The following C12orf71 variants were observed in gnomAD, a reference collection of about 807,000 sequenced individuals.
The protein encoded by C12orf71 is uncharacterized protein C12orf71.
A neutral mutation model predicts 11.7 loss-of-function variants in C12orf71; 10 were observed. That is an observed-to-expected ratio of 0.86 (90% CI 0.53 to 1.45). The LOEUF (loss-of-function observed/expected upper bound fraction) is 1.45, where lower values mean the gene tolerates loss of function less well. Ranked by LOEUF, C12orf71 falls within the 40% of genes most tolerant of loss-of-function variation. The pLI is 0.00. For synonymous variants in C12orf71, 110 were observed against 123.4 expected (o/e 0.89, Z 0.72); for missense variants, 293 against 325.8 (o/e 0.90, Z 0.78).
In C12orf71 at chr12:27,082,036, C is replaced by A; in HGVS notation, c.448G>T (p.Ala150Ser). ...IFLENLKDDD[A>S]VFPETAQQDF... ...TGCTGAGCAGTTTCAGGAAATACAG[C>A]GTCATCATCTTTCAGATTTTCTAGA... is the stretch of plus-strand genomic sequence containing the variant. Residue 150 changes from alanine to serine, a missense_variant, in exon 1 of 2, where the codon GCT becomes TCT. Physicochemically the swap from Ala to Ser is moderately conservative, Grantham distance 99. Coordinates refer to ENST00000429849, the MANE Select transcript of C12orf71 (RefSeq NM_001080406.2). 6.3e-7 allele frequency: 1 copy of A among 1,596,162 alleles called. No individual in the cohort carries two copies. Among genetic ancestry groups the A allele is most frequent in the Non-Finnish European group, 8.5e-7 (1 of 1,170,170 alleles).
Position 27,082,188 on chromosome 12 carries a change from T to C in C12orf71, c.296A>G (p.Asp99Gly). 11 of 1,614,038 alleles carry C rather than the reference T, an allele frequency of 6.8e-6. No individual in the cohort carries two copies. Among genetic ancestry groups the C allele is most frequent in the Non-Finnish European group, 9.3e-6 (11 of 1,179,894 alleles). ...CCTATTAGCTCTTGAGTCTGTGTTATCGGAGCCAATGTCCACGTCCCAGGC... is the reference window on the plus strand; with the variant it reads ...CCTATTAGCTCTTGAGTCTGTGTTACCGGAGCCAATGTCCACGTCCCAGGC... Reference protein sequence around the residue: ...FLAWDVDIGSDNTDSRANRLL... With the variant: ...FLAWDVDIGSGNTDSRANRLL... Residue 99 changes from aspartate (D) to glycine (G), a missense_variant, in exon 1 of 2, where the codon GAT (aspartate) becomes GGT (glycine). Physicochemically the swap from Asp to Gly is moderately conservative, Grantham distance 94 (BLOSUM62 -1). Coordinates refer to ENST00000429849, the MANE Select transcript of C12orf71 (RefSeq NM_001080406.2).
chr12:27,081,586 A>C, intron 1 of C12orf71, 119 bp from the exon 2 acceptor site: 1 of 954,620 alleles, frequency 1.0e-6, no homozygotes, highest in Middle Eastern at 2.7e-4. Context: ...GTCAATGCAG[A>C]GTTTCAATGC....
intron 1 of C12orf71, 97 bp from the exon 2 acceptor site, chr12:27,081,564 A>T (rs1941932849): frequency 8.0e-7 from 1 of 1,252,438 alleles, no homozygotes; most frequent in Non-Finnish European, 1.1e-6. Flanking sequence ...TTTTACCAAA[A>T]ATAGCCCAAG....
At chr12:27,081,824 G>T in intron 1 of C12orf71, 144 bp downstream of exon 1, 1 of 894,406 alleles carries the variant, frequency 1.1e-6, no homozygotes, top group Non-Finnish European at 1.8e-6. Context: ...ATCCCTTCCT[G>T]TCCTGTGAGG....
upstream of C12orf71, chr12:27,082,621 T>TC: frequency 1.4e-6 from 1 of 707,746 alleles, no homozygotes; most frequent in Admixed American, 3.8e-5. Flanking sequence ...TTTCTTTTTT[T>TC]TTTTTTGAGA....
At chr12:27,082,864 A>G (rs1941949084), upstream of C12orf71, among the ~76,000 whole-genome samples, 2 of 152,004 alleles carry the variant, frequency 1.3e-5, no homozygotes, top group Non-Finnish European at 2.9e-5. Flanking sequence ...GGTGTGAGCC[A>G]CCACACCCGG....
rs1307080493 is a variant in C12orf71 at position 27,082,025 on chromosome 12, A to G, written c.459T>C (p.Pro153=). The G allele has an allele frequency of 2.5e-6, 4 of 1,592,570 alleles. No individual in the cohort carries two copies. The highest frequency in any genetic ancestry group is 2.3e-5 in the South Asian group (2 of 87,974). The change falls in exon 1 of 2, where the codon CCT becomes CCC. Residue 153 remains proline, a synonymous_variant. Transcript: ENST00000429849. ...GCTGGAAATCTTGCTGAGCAGTTTCAGGAAATACAGCGTCATCATCTTTCA... is the reference window on the plus strand; with the variant it reads ...GCTGGAAATCTTGCTGAGCAGTTTCGGGAAATACAGCGTCATCATCTTTCA... ...ENLKDDDAVF[P]ETAQQDFQLS...
chr12:27,081,111 G>C lies in C12orf71; in HGVS notation c.*63C>G. 2.0e-5 allele frequency: 25 copies of C among 1,272,686 alleles called. No individual in the cohort carries two copies. Among genetic ancestry groups the C allele is most frequent in the Non-Finnish European group, 2.5e-5 (23 of 912,610 alleles). The allele number at this position is 1,272,686 out of a possible 1,614,324, so 78.8% of individuals were successfully genotyped here. A position where few individuals can be genotyped will look rare whatever the true frequency, so the allele number is the denominator to read the frequency against. ...TATTGAGGAAAAAACAAACTGATGG[G>C]GATTATTAATGGAATCCTTATTATG... On this transcript the variant is annotated 3_prime_UTR_variant, in exon 2 of 2. Coordinates refer to ENST00000429849, the MANE Select transcript of C12orf71 (RefSeq NM_001080406.2).
At chr12:27,082,953 T>G (rs548461333), upstream of C12orf71, among the ~76,000 whole-genome samples, 7 of 151,952 alleles carry the variant, frequency 4.6e-5, no homozygotes, top group Non-Finnish European at 7.4e-5. Context: ...TTTTGTTTTT[T>G]TTTTTGAGAT....
Position 27,082,445 on chromosome 12 carries a change from G to A in C12orf71, c.39C>T (p.Asp13=). 1 of 1,518,420 alleles carries A rather than the reference G, an allele frequency of 6.6e-7. No individual in the cohort carries two copies. Among genetic ancestry groups the A allele is most frequent in the East Asian group, 2.3e-5 (1 of 43,966 alleles). 94.1% of individuals were successfully genotyped at this position (1,518,420 alleles called of 1,614,324 possible). Residue 13 remains aspartate, a synonymous_variant, in exon 1 of 2, where the codon GAC becomes GAT. Transcript: ENST00000429849. The stretch of plus-strand genomic sequence containing the variant: ...TCAGGTTGGAATTGGATTTGGAGCT[G>A]TCGTCCTCTATGTCGCTGTTAGAGG... The part of the protein sequence containing the change: ...YSSSNSDIED[D]SSKSNSNLSL...
chr12:27,082,614 C>CTT (rs138774709), upstream of C12orf71: 5,298 of 521,656 alleles, frequency 0.01, no homozygotes, highest in Non-Finnish European at 0.013. Context: ...TCTCTTTTTT[C>CTT]TTTTTTTTTT....
At chr12:27,083,700 C>G (rs904145927), upstream of C12orf71, among the ~76,000 whole-genome samples, 15 of 152,156 alleles carry the variant, frequency 9.9e-5, no homozygotes, top group African/African-American at 3.6e-4. Flanking sequence ...CTTATTAATG[C>G]TAAATAAATC....
upstream of C12orf71, among the ~76,000 whole-genome samples, chr12:27,083,996 C>T (rs1406542896): frequency 2.6e-5 from 4 of 152,184 alleles, no homozygotes; most frequent in Non-Finnish European, 1.5e-5. Context: ...AAACAAAAGA[C>T]TGTCACACCC....
At position 27,081,324 on chromosome 12, in the gene C12orf71, C is replaced by A; in HGVS notation, c.660G>T (p.Leu220=). 1.2e-6 allele frequency: 2 copies of A among 1,613,994 alleles called. No individual in the cohort carries two copies. The highest frequency in any genetic ancestry group is 1.7e-6 in the Non-Finnish European group (2 of 1,179,896). ...CLNFGWAFSW[L]RQRILPSLLR... ...GCAGAGAGGGGAGGATACGCTGCCT[C>A]AGCCAGCTGAAGGCCCACCCAAAGT... Residue 220 remains leucine (L), a synonymous_variant, in exon 2 of 2, where the codon CTG becomes CTT. Transcript: ENST00000429849.
At chr12:27,082,775 A>C (rs1391942637), upstream of C12orf71, among the ~76,000 whole-genome samples, 1 of 151,642 alleles carries the variant, frequency 6.6e-6, no homozygotes, top group African/African-American at 2.4e-5. Flanking sequence ...ATGGGGTTTC[A>C]CCATGTTGAC....
chr12:27,082,606 T>A, upstream of C12orf71: 89 of 626,038 alleles, frequency 1.4e-4, no homozygotes, highest in Non-Finnish European at 1.9e-4. Context: ...CATTCCCTTC[T>A]CTTTTTTCTT....
chr12:27,083,561 T>C (rs1941954264), upstream of C12orf71, among the ~76,000 whole-genome samples: 1 of 152,250 alleles, frequency 6.6e-6, no homozygotes, highest in Non-Finnish European at 1.5e-5. Context: ...TGTACATTTA[T>C]ACAATATGTC....
Position 27,082,455 on chromosome 12 carries a change from A to C in C12orf71, c.29T>G (p.Ile10Arg). 2.6e-6 allele frequency: 4 copies of C among 1,510,088 alleles called. No individual in the cohort carries two copies. The highest frequency in any genetic ancestry group is 3.5e-6 in the Non-Finnish European group (4 of 1,129,954). The allele number at this position is 1,510,088 out of a possible 1,614,324, so 93.5% of individuals were successfully genotyped here. Residue 10 changes from isoleucine to arginine, a missense_variant, in exon 1 of 2, where the codon ATA becomes AGA. By Grantham distance (97) the Ile-to-Arg change is moderately conservative (BLOSUM62 -3). Transcript: ENST00000429849. ...ATTGGATTTGGAGCTGTCGTCCTCTATGTCGCTGTTAGAGGATGAATATGC... is the reference window on the plus strand; with the variant it reads ...ATTGGATTTGGAGCTGTCGTCCTCTCTGTCGCTGTTAGAGGATGAATATGC... MAYSSSNSD[I>R]EDDSSKSNSN...
At chr12:27,081,932 C>T (rs376311282) in intron 1 of C12orf71, 36 bp downstream of exon 1, 22 of 1,556,036 alleles carry the variant, frequency 1.4e-5, no homozygotes, top group Admixed American at 1.9e-5. Context: ...TGCACTTGGG[C>T]AGGTCTTGAC....
Sources: gnomAD v4.1 joint callset for allele counts (sites outside exome capture counted in the v4.1 genomes callset) on GRCh38, gnomAD v4.1.1 for gene constraint, MANE v1.5 for transcripts, NCBI Gene and HGNC (gene_info 2026-07-23, HGNC 2026-07-21) for gene names.